The following ZXDA variants were observed in gnomAD, a reference collection of about 807,000 sequenced individuals.
The protein encoded by ZXDA is zinc finger X-linked duplicated A.
A neutral mutation model predicts 10.1 loss-of-function variants in ZXDA; 5 were observed. The ratio of observed to expected loss-of-function variants is 0.50; its 90% CI spans 0.26 to 1.04. ZXDA has a LOEUF of 1.04. Ranked by LOEUF, ZXDA falls within the 50% of genes least tolerant of loss-of-function variation. The probability of loss-of-function intolerance (pLI) is 0.14; values close to 1 mark genes in which losing one functional copy is unlikely to be tolerated. For synonymous variants in ZXDA, 266 were observed against 313.1 expected, an observed-to-expected ratio of 0.85 and a Z score of 1.59; for missense variants, 501 against 672.4, an observed-to-expected ratio of 0.75 and a Z score of 2.82.
chrX:57,907,210 C>A lies in ZXDA; in HGVS notation c.*811G>T, dbSNP rs1305899807. 1 of 112,732 alleles carries A rather than the reference C, an allele frequency of 8.9e-6. No individual in the cohort carries two copies. Among genetic ancestry groups the A allele is most frequent in the East Asian group, 2.8e-4 (1 of 3,596 alleles). 9.3% of individuals were successfully genotyped at this position (112,732 alleles called of 1,213,427 possible). On this transcript the variant is annotated 3_prime_UTR_variant, in exon 1 of 1. Transcript: ENST00000358697. ...CCCTTTGAGGAGGGAAAACAAGGGG[C>A]AGGAAAGGGAATGAAGATTCACCAA... is the stretch of plus-strand genomic sequence containing the variant.
At position 57,905,724 on chromosome X, in the gene ZXDA, T is replaced by G. The variant is rs1322774467; in HGVS notation, c.*2297A>C. On this transcript the variant is annotated 3_prime_UTR_variant, in exon 1 of 1. Coordinates refer to ENST00000358697, the MANE Select transcript of ZXDA (RefSeq NM_007156.5). ...CCCACGGACAATCACAAGATCTTTA[T>G]CCTAAAAAAAAAAAATTTGTCCTTT... 9.6e-6 allele frequency among the ~76,000 whole-genome samples: 1 copy of G among 104,632 alleles called. No individual in the cohort carries two copies. Among genetic ancestry groups the G allele is most frequent in the African/African-American group, 4.0e-5 (1 of 24,862 alleles). The allele number at this position is 104,632 out of a possible 115,157, so 90.9% of individuals were successfully genotyped here.
In ZXDA at chrX:57,909,083, G is replaced by A. The variant is rs1367151107; in HGVS notation, c.1338C>T (p.Gly446=). The A allele has an allele frequency of 8.3e-7, 1 of 1,211,564 alleles. No individual in the cohort carries two copies. Among genetic ancestry groups the A allele is most frequent in the Admixed American group, 2.2e-5 (1 of 46,029 alleles). The change falls in exon 1 of 1, where the codon GGC becomes GGT. Residue 446 remains glycine, a synonymous_variant. Coordinates refer to ENST00000358697, the MANE Select transcript of ZXDA (RefSeq NM_007156.5). ...RLKIHLRSHT[G]ERPFLCDFDG... The stretch of plus-strand genomic sequence containing the variant: ...CAAAGTCACAAAGGAAAGGTCTCTC[G>A]CCGGTGTGACTCCGCAGGTGAATTT...
chrX:57,907,604 G>GTAAAACA lies in ZXDA; in HGVS notation c.*410_*416dup, dbSNP rs1440560615. 1.7e-5 allele frequency: 2 copies of GTAAAACA among 115,094 alleles called. No individual in the cohort carries two copies. Among genetic ancestry groups the GTAAAACA allele is most frequent in the Non-Finnish European group, 3.6e-5 (2 of 56,092 alleles). 9.5% of individuals were successfully genotyped at this position (115,094 alleles called of 1,213,427 possible). On this transcript the variant is annotated 3_prime_UTR_variant, in exon 1 of 1. Transcript: ENST00000358697. ...GTAAAATTTCCATTAAATTTTTAAT[G>GTAAAACA]TAAAACACCAGTTCCTCAATCTTTC...
Position 57,909,817 on chromosome X carries a change from T to G in ZXDA, c.604A>C (p.Arg202=). The change falls in exon 1 of 1, where the codon AGG becomes CGG. Residue 202 remains arginine, a synonymous_variant. Transcript: ENST00000358697. ...CCAGCTTGGGGGGCGATCAGACACCTGGGCTGCTGGGCAGGAGCGGCCCCT... is the reference window on the plus strand; with the variant it reads ...CCAGCTTGGGGGGCGATCAGACACCGGGGCTGCTGGGCAGGAGCGGCCCCT... ...EPGAAPAQQP[R]CLIAPQAGFP... 2.5e-6 allele frequency: 3 copies of G among 1,202,156 alleles called. No individual in the cohort carries two copies. The highest frequency in any genetic ancestry group is 3.4e-6 in the Non-Finnish European group (3 of 892,260).
rs2014382204 is a variant in ZXDA, at chrX:57,908,293, T to C, written c.2128A>G (p.Met710Val). ...GPLGSLDSLA[M>V]KNSSPEPQAL... ...TGAGGCTCTGGACTGGAGTTTTTCA[T>C]GGCCAAAGAGTCCAGAGATCCCAAT... Residue 710 changes from methionine to valine, a missense_variant, in exon 1 of 1, where the codon ATG becomes GTG. By Grantham distance (21) the Met-to-Val change is conservative. Around this residue, in one of 5 missense-constraint regions of ZXDA, gnomAD observed 18 missense variants for 92.7 expected, o/e 0.19. Transcript: ENST00000358697. 2 of 1,202,573 alleles carry C rather than the reference T, an allele frequency of 1.7e-6. No individual in the cohort carries two copies. The highest frequency in any genetic ancestry group is 1.1e-6 in the Non-Finnish European group (1 of 891,022).
rs146970252 is a variant in ZXDA at position 57,909,288 on chromosome X, T to C, written c.1133A>G (p.His378Arg). 1.9e-5 allele frequency: 23 copies of C among 1,210,438 alleles called. No homozygotes were observed. The African/African-American group carries it at 2.6e-4, about 14-fold the overall frequency. ...CTCGGGTTCGAAGTGGCTGCGCTGG[T>C]GGGCGCCGAGTTTGGCCTGCGTGGG... Reference protein sequence around the residue: ...SFPTQAKLGAHQRSHFEPERP... With the variant: ...SFPTQAKLGARQRSHFEPERP... Residue 378 changes from histidine (H) to arginine (R), a missense_variant, in exon 1 of 1, where the codon CAC (histidine) becomes CGC (arginine). Around this residue, in one of 5 missense-constraint regions of ZXDA, gnomAD observed 171 missense variants for 262.7 expected, o/e 0.65. Transcript: ENST00000358697.
chrX:57,905,717 A>T lies in ZXDA; in HGVS notation c.*2304T>A, dbSNP rs1233800278. Among the ~76,000 whole-genome samples the T allele has an allele frequency of 9.3e-6, 1 of 107,098 alleles. No homozygotes were observed. The highest frequency in any genetic ancestry group is 2.8e-4 in the East Asian group (1 of 3,550). The allele number at this position is 107,098 out of a possible 115,157, so 93.0% of individuals were successfully genotyped here. A position where few individuals can be genotyped will look rare whatever the true frequency, so the allele number is the denominator to read the frequency against. ...ATGTGAGCCCACGGACAATCACAAGATCTTTATCCTAAAAAAAAAAAATTT... is the reference window on the plus strand; with the variant it reads ...ATGTGAGCCCACGGACAATCACAAGTTCTTTATCCTAAAAAAAAAAAATTT... On this transcript the variant is annotated 3_prime_UTR_variant, in exon 1 of 1. Transcript: ENST00000358697.
At position 57,909,631 on chromosome X, in the gene ZXDA, C is replaced by T. The variant is rs201132004; in HGVS notation, c.790G>A (p.Val264Met). Residue 264 changes from valine to methionine, a missense_variant, in exon 1 of 1, where the codon GTG becomes ATG. Val to Met is a conservative substitution (Grantham distance 21). Coordinates refer to ENST00000358697, the MANE Select transcript of ZXDA (RefSeq NM_007156.5). ...PRGLLGSGPGVVLYLCPEALC... is the reference protein window; with the variant it reads ...PRGLLGSGPGMVLYLCPEALC... ...GCCTCGGGGCACAGGTACAGCACCA[C>T]GCCTGGACCAGAGCCCAGCAGTCCG... The T allele has an allele frequency of 5.8e-6, 7 of 1,198,837 alleles. No homozygotes were observed. Among genetic ancestry groups the T allele is most frequent in the South Asian group, 5.4e-5 (3 of 55,197 alleles).
rs1275246068 is a variant in ZXDA, at chrX:57,909,898, G to T, written c.523C>A (p.Arg175Ser). The change falls in exon 1 of 1, where the codon CGC becomes AGC. Residue 175 changes from arginine (R) to serine (S), a missense_variant. Physicochemically the swap from Arg to Ser is moderately radical, Grantham distance 110. Transcript: ENST00000358697. Reference protein sequence around the residue: ...VTIHNQDLLLRFENGVLTLAT... With the variant: ...VTIHNQDLLLSFENGVLTLAT... The stretch of plus-strand genomic sequence containing the variant: ...AGGGTGAGGACGCCGTTCTCAAAGC[G>T]CAACAGCAGGTCCTGGTTGTGGATA... 5.8e-6 allele frequency: 7 copies of T among 1,197,583 alleles called. No individual in the cohort carries two copies. The highest frequency in any genetic ancestry group is 3.2e-4 in the Middle Eastern group (1 of 3,136).
Position 57,910,291 on chromosome X carries a change from G to A in ZXDA, c.130C>T (p.Leu44Phe), listed in dbSNP as rs1363348224. ...TCTTGGGGGCCCCGGGGCAGCAGGA[G>A]GCGGCGCGTGGGGACCTGGCCAGCC... ...SPAGQVPTRR[L>F]LLPRGPQDGG... Residue 44 changes from leucine to phenylalanine, a missense_variant, in exon 1 of 1, where the codon CTC (leucine) becomes TTC (phenylalanine). By Grantham distance (22) the Leu-to-Phe change is conservative. Coordinates refer to ENST00000358697, the MANE Select transcript of ZXDA (RefSeq NM_007156.5). The A allele has an allele frequency of 2.5e-5, 26 of 1,059,715 alleles. No individual in the cohort carries two copies. The highest frequency in any genetic ancestry group is 2.6e-5 in the South Asian group (1 of 37,994). 87.3% of individuals were successfully genotyped at this position (1,059,715 alleles called of 1,213,427 possible). A position where few individuals can be genotyped will look rare whatever the true frequency, so the allele number is the denominator to read the frequency against.
In ZXDA at chrX:57,907,472, T is replaced by C. The variant is rs1391906300; in HGVS notation, c.*549A>G. The C allele has an allele frequency of 1.8e-5, 2 of 111,668 alleles. No individual in the cohort carries two copies. The highest frequency in any genetic ancestry group is 9.5e-5 in the Admixed American group (1 of 10,498). 9.2% of individuals were successfully genotyped at this position (111,668 alleles called of 1,213,427 possible). A position where few individuals can be genotyped will look rare whatever the true frequency, so the allele number is the denominator to read the frequency against. ...CCTTGTATTTTCCACAACAAAAACATACCTTCATCATTTAAAAAAAAGGTT... is the reference window on the plus strand; with the variant it reads ...CCTTGTATTTTCCACAACAAAAACACACCTTCATCATTTAAAAAAAAGGTT... On this transcript the variant is annotated 3_prime_UTR_variant, in exon 1 of 1. Transcript: ENST00000358697.
chrX:57,906,175 A>G lies in ZXDA; in HGVS notation c.*1846T>C, dbSNP rs1459059927. Among the ~76,000 whole-genome samples, 1 of 112,423 alleles carries G rather than the reference A, an allele frequency of 8.9e-6. No homozygotes were observed. The highest frequency in any genetic ancestry group is 2.8e-4 in the East Asian group (1 of 3,608). On this transcript the variant is annotated 3_prime_UTR_variant, in exon 1 of 1. Coordinates refer to ENST00000358697, the MANE Select transcript of ZXDA (RefSeq NM_007156.5). Reference sequence around the variant, plus strand: ...TAAAGTGCACTGTTAAAGTGCCATAATAATTGTTATCCCCAAGTATCCACA... The same window carrying G: ...TAAAGTGCACTGTTAAAGTGCCATAGTAATTGTTATCCCCAAGTATCCACA...
Position 57,908,967 on chromosome X carries a change from T to A in ZXDA, c.1454A>T (p.Glu485Val), listed in dbSNP as rs2146908440. The A allele has an allele frequency of 8.3e-7, 1 of 1,211,696 alleles. No individual in the cohort carries two copies. Among genetic ancestry groups the A allele is most frequent in the East Asian group, 3.0e-5 (1 of 33,816 alleles). The change falls in exon 1 of 1, where the codon GAA becomes GTA. Residue 485 changes from glutamate (E) to valine (V), a missense_variant. By Grantham distance (121) the Glu-to-Val change is moderately radical (BLOSUM62 -2). This residue lies in a region of ZXDA where 171 missense variants were observed against 262.7 expected (regional missense o/e 0.65). Transcript: ENST00000358697. The stretch of plus-strand genomic sequence containing the variant: ...CCTCGTGAAAGATTTCCCACAGCCT[T>A]CCACAGGGCACATGAACCTCCGGTC... ...DDDRRFMCPV[E>V]GCGKSFTRAE... is the part of the protein sequence containing the mutation.
Position 57,908,328 on chromosome X carries a change from C to T in ZXDA, c.2093G>A (p.Ser698Asn), listed in dbSNP as rs1217480366. ...SLNMDEVSSV[S>N]VGPLGSLDSL... ...GTCCAGAGATCCCAATGGCCCCACACTTACACTTGAGACCTCATCCATATT... is the reference window on the plus strand; with the variant it reads ...GTCCAGAGATCCCAATGGCCCCACATTTACACTTGAGACCTCATCCATATT... The change falls in exon 1 of 1, where the codon AGT becomes AAT. Residue 698 changes from serine (S) to asparagine (N), a missense_variant. This residue lies in a region of ZXDA where 18 missense variants were observed against 92.7 expected (regional missense o/e 0.19). Coordinates refer to ENST00000358697, the MANE Select transcript of ZXDA (RefSeq NM_007156.5). The T allele has an allele frequency of 1.7e-6, 2 of 1,196,018 alleles. No individual in the cohort carries two copies. The highest frequency in any genetic ancestry group is 1.8e-5 in the South Asian group (1 of 55,443).
chrX:57,909,038 G>A lies in ZXDA; in HGVS notation c.1383C>T (p.Phe461=), dbSNP rs760241871. The change falls in exon 1 of 1, where the codon TTC becomes TTT. Residue 461 remains phenylalanine (F), a synonymous_variant. Transcript: ENST00000358697. ...LCDFDGCGWN[F]TSMSKLLRHK... ...GCCTTAAGAGTTTGGACATGCTGGTGAAGTTCCAGCCACAGCCATCAAAGT... is the reference window on the plus strand; with the variant it reads ...GCCTTAAGAGTTTGGACATGCTGGTAAAGTTCCAGCCACAGCCATCAAAGT... 7.4e-6 allele frequency: 9 copies of A among 1,209,693 alleles called. No individual in the cohort carries two copies. Among genetic ancestry groups the A allele is most frequent in the African/African-American group, 1.8e-5 (1 of 57,041 alleles).
rs1170905957 is a variant in ZXDA at position 57,908,974 on chromosome X, G to A, written c.1447C>T (p.Pro483Ser). The A allele has an allele frequency of 1.7e-6, 2 of 1,209,579 alleles. No homozygotes were observed. The highest frequency in any genetic ancestry group is 3.5e-5 in the African/African-American group (2 of 56,962). Reference sequence around the variant, plus strand: ...AAAGATTTCCCACAGCCTTCCACAGGGCACATGAACCTCCGGTCATCGTCG... The same window carrying A: ...AAAGATTTCCCACAGCCTTCCACAGAGCACATGAACCTCCGGTCATCGTCG... ...KHDDDRRFMC[P>S]VEGCGKSFTR... Residue 483 changes from proline (P) to serine (S), a missense_variant, in exon 1 of 1, where the codon CCT (proline) becomes TCT (serine). By Grantham distance (74) the Pro-to-Ser change is moderately conservative. Coordinates refer to ENST00000358697, the MANE Select transcript of ZXDA (RefSeq NM_007156.5).
Position 57,910,014 on chromosome X carries a change from GA to G in ZXDA, c.406del (p.Ser136LeufsTer69). ...DESGANPAGC[S>X]AQGPHCLSAV... ...GGACAGGCAGTGGGGGCCCTGCGCA[GA>G]GCAGCCCGCGGGGTTCGCGCCGCTC... is the stretch of plus-strand genomic sequence containing the variant. On this transcript the variant is annotated frameshift_variant, in exon 1 of 1. Coordinates refer to ENST00000358697, the MANE Select transcript of ZXDA (RefSeq NM_007156.5). LOFTEE classifies it low-confidence loss of function (END_TRUNC). 3 of 1,091,549 alleles carry G rather than the reference GA, an allele frequency of 2.7e-6. No individual in the cohort carries two copies. Among genetic ancestry groups the G allele is most frequent in the Non-Finnish European group, 3.6e-6 (3 of 834,183 alleles). 90.0% of individuals were successfully genotyped at this position (1,091,549 alleles called of 1,213,427 possible).
At position 57,907,826 on chromosome X, in the gene ZXDA, T is replaced by C; in HGVS notation, c.*195A>G. On this transcript the variant is annotated 3_prime_UTR_variant, in exon 1 of 1. Transcript: ENST00000358697. Reference sequence around the variant, plus strand: ...GAAATTAAGGCTCAGATAGGTTAAGTGACTTGCTGAGGGTCACACAACTTG... The same window carrying C: ...GAAATTAAGGCTCAGATAGGTTAAGCGACTTGCTGAGGGTCACACAACTTG... The C allele has an allele frequency of 2.1e-6, 1 of 465,689 alleles. No homozygotes were observed. Among genetic ancestry groups the C allele is most frequent in the South Asian group, 5.1e-5 (1 of 19,496 alleles). 38.4% of individuals were successfully genotyped at this position (465,689 alleles called of 1,213,427 possible). A position where few individuals can be genotyped will look rare whatever the true frequency, so the allele number is the denominator to read the frequency against.
chrX:57,908,213 C>T lies in ZXDA; in HGVS notation c.2208G>A (p.Ser736=), dbSNP rs9699133. Residue 736 remains serine, a synonymous_variant, in exon 1 of 1, where the codon TCG becomes TCA. Coordinates refer to ENST00000358697, the MANE Select transcript of ZXDA (RefSeq NM_007156.5). ...LTVDTDTLTP[S]STLCENSVSE... is the part of the protein sequence containing the mutation. Reference sequence around the variant, plus strand: ...AGACACTGTTTTCACAAAGGGTGCTCGAAGGAGTCAGAGTATCTGTGTCCA... The same window carrying T: ...AGACACTGTTTTCACAAAGGGTGCTTGAAGGAGTCAGAGTATCTGTGTCCA... 13 of 1,209,222 alleles carry T rather than the reference C, an allele frequency of 1.1e-5. No homozygotes were observed. In the South Asian group the frequency reaches 2.1e-4, roughly 20 times the overall value.
Sources: gnomAD v4.1 joint callset for allele counts (sites outside exome capture counted in the v4.1 genomes callset) on GRCh38, gnomAD v4.1.1 for gene constraint, gnomAD v4.1.1 regional missense constraint, MANE v1.5 for transcripts, NCBI Gene and HGNC (gene_info 2026-07-23, HGNC 2026-07-21) for gene names.